Variants in POLR3A observed in about 807,000 individuals in gnomAD.
POLR3A encodes the protein DNA-directed RNA polymerase III subunit RPC1.
A neutral mutation model predicts 152.8 loss-of-function variants in POLR3A; 112 were observed. That is an observed-to-expected ratio of 0.73 (90% CI 0.63 to 0.86). The LOEUF is 0.86. POLR3A is among the 40% of genes least tolerant of loss of function. The pLI is 0.00. For synonymous variants in POLR3A, 615 were observed against 652.1 expected, an observed-to-expected ratio of 0.94 and a Z score of 0.87; for missense variants, 1,385 against 1,743.1, an observed-to-expected ratio of 0.79 and a Z score of 3.66.
intron 19 of POLR3A, among the ~76,000 whole-genome samples, chr10:77,994,403 A>G (rs1047964494): frequency 2.6e-5 from 4 of 151,970 alleles, no homozygotes. Context: ...CTTCCATAGT[A>G]GGGAGAGAGA....
intron 10 of POLR3A, among the ~76,000 whole-genome samples, chr10:78,016,026 G>A (rs1012932702): frequency 6.6e-6 from 1 of 152,138 alleles, no homozygotes; most frequent in African/African-American, 2.4e-5. Flanking sequence ...ATTACCATAA[G>A]AGGCTGCTTA....
rs149845466 is a variant in POLR3A, at chr10:77,989,164, ACT to A, written c.2901+1888_2901+1889del. 4.6e-4 allele frequency among the ~76,000 whole-genome samples: 70 copies of A among 152,336 alleles called. No individual in the cohort carries two copies. In the East Asian group the frequency reaches 0.012, roughly 27 times the overall value. On this transcript the variant is annotated intron_variant, in intron 21 of 30. Transcript: ENST00000372371. ...CTGAAACAATCTGCTAAAAATTCAC[ACT>A]GAGTCAACCCATGCATACTAGAGGG...
In POLR3A at chr10:77,983,982, G is replaced by A; in HGVS notation, c.3367C>T (p.Pro1123Ser). The stretch of plus-strand genomic sequence containing the variant: ...TTGACGAGAATAAAGCAGTCATCAG[G>A]AAGAAACACTTCTTCAATATACTCG... ...ISEYIEEVFL[P>S]DDCFILVKLS... is the part of the protein sequence containing the mutation. The change falls in exon 26 of 31, where the codon CCT becomes TCT. Residue 1123 changes from proline (P) to serine (S), a missense_variant. Physicochemically the swap from Pro to Ser is moderately conservative, Grantham distance 74. Around this residue, in one of 7 missense-constraint regions of POLR3A, gnomAD observed 332 missense variants for 400.1 expected, o/e 0.83. Transcript: ENST00000372371. The A allele has an allele frequency of 1.2e-6, 2 of 1,612,258 alleles. No individual in the cohort carries two copies. Among genetic ancestry groups the A allele is most frequent in the South Asian group, 1.1e-5 (1 of 91,018 alleles).
In POLR3A at chr10:78,021,948, G is replaced by A. The variant is rs1442159787; in HGVS notation, c.960C>T (p.Tyr320=). Residue 320 remains tyrosine, a synonymous_variant, in exon 7 of 31, where the codon TAC becomes TAT. Coordinates refer to ENST00000372371, the MANE Select transcript of POLR3A (RefSeq NM_007055.4). ...WDFLQLQCAL[Y]INSELSGIPL... Reference sequence around the variant, plus strand: ...GAATGCCCGAGAGCTCACTGTTAATGTAGAGGGCACACTGCAGCTGCAGGA... The same window carrying A: ...GAATGCCCGAGAGCTCACTGTTAATATAGAGGGCACACTGCAGCTGCAGGA... The A allele has an allele frequency of 6.2e-7, 1 of 1,614,180 alleles. No individual in the cohort carries two copies.
chr10:77,986,619 C>T (rs1287757850), intron 21 of POLR3A, among the ~76,000 whole-genome samples: 1 of 152,180 alleles, frequency 6.6e-6, no homozygotes. Flanking sequence ...GCTTTGTTGA[C>T]AGTAAATGCA....
intron 5 of POLR3A, among the ~76,000 whole-genome samples, chr10:78,023,095 T>C (rs1589318542): frequency 6.6e-6 from 1 of 150,938 alleles, no homozygotes; most frequent in Non-Finnish European, 1.5e-5. Context: ...GAGGCAGAGG[T>C]TGCCGTGAGC....
intron 10 of POLR3A, among the ~76,000 whole-genome samples, chr10:78,015,571 AC>A (rs1183548494): frequency 6.6e-6 from 1 of 152,096 alleles, no homozygotes; most frequent in South Asian, 2.1e-4. Flanking sequence ...CAAGTGATAC[AC>A]CTTGGCCTCC....
At chr10:78,016,790 G>A (rs952988899) in intron 10 of POLR3A, among the ~76,000 whole-genome samples, 2 of 149,414 alleles carry the variant, frequency 1.3e-5, no homozygotes, top group East Asian at 3.9e-4. Flanking sequence ...TGGGAGGATC[G>A]CTTGAGCCGA....
At chr10:78,028,360 C>T (rs1847657302) in intron 1 of POLR3A, among the ~76,000 whole-genome samples, 1 of 152,150 alleles carries the variant, frequency 6.6e-6, no homozygotes. Context: ...CCTGGACCTA[C>T]CCTTGTCATT....
At chr10:78,017,323 C>T (rs983123578) in intron 10 of POLR3A, among the ~76,000 whole-genome samples, 3 of 151,894 alleles carry the variant, frequency 2.0e-5, no homozygotes, top group Non-Finnish European at 4.4e-5. Context: ...GGCACATGTC[C>T]GTGGTCCCAG....
In POLR3A at chr10:78,000,046, T is replaced by C. The variant is rs761832392; in HGVS notation, c.2551A>G (p.Thr851Ala). 3.9e-5 allele frequency: 63 copies of C among 1,613,980 alleles called. No individual in the cohort carries two copies. The highest frequency in any genetic ancestry group is 5.0e-5 in the Non-Finnish European group (59 of 1,180,008). Residue 851 changes from threonine (T) to alanine (A), a missense_variant, in exon 19 of 31, where the codon ACA becomes GCA. This residue lies in a region of POLR3A where 170 missense variants were observed against 231.2 expected (regional missense o/e 0.74). Transcript: ENST00000372371. ...ACTAGACCTTCCCGGCCGGCCATTG[T>C]GTGGAAGAAAAACTCAGTTGGTGTC... is the stretch of plus-strand genomic sequence containing the variant. ...GLTPTEFFFH[T>A]MAGREGLVDT...
intron 30 of POLR3A, among the ~76,000 whole-genome samples, chr10:77,978,217 G>A (rs1008257887): frequency 2.0e-5 from 3 of 152,174 alleles, no homozygotes; most frequent in Admixed American, 1.3e-4. Flanking sequence ...AGGGGGTGGT[G>A]CAGATTCTTT....
rs7910253 is a variant in POLR3A, at chr10:78,007,458, G to A, written c.2074+244C>T. Among the ~76,000 whole-genome samples, 4,699 of 152,312 alleles carry A rather than the reference G, an allele frequency of 0.031. 234 individuals carry two copies. The highest frequency in any genetic ancestry group is 0.11 in the African/African-American group (4,376 of 41,554). ...ATAATCTAACCCTGTCTAGAAGACCGTAGGGAGCTACTGCTGGTTTTGAGA... is the reference window on the plus strand; with the variant it reads ...ATAATCTAACCCTGTCTAGAAGACCATAGGGAGCTACTGCTGGTTTTGAGA... On this transcript the variant is annotated intron_variant, in intron 15 of 30. Coordinates refer to ENST00000372371, the MANE Select transcript of POLR3A (RefSeq NM_007055.4).
At position 77,982,175 on chromosome 10, in the gene POLR3A, G is replaced by A. The variant is rs757409069; in HGVS notation, c.3738C>T (p.Thr1246=). The change falls in exon 28 of 31, where the codon ACC becomes ACT. Residue 1246 remains threonine, a synonymous_variant. Coordinates refer to ENST00000372371, the MANE Select transcript of POLR3A (RefSeq NM_007055.4). The stretch of plus-strand genomic sequence containing the variant: ...GTACCTCATAGGTGTTATTGGAGGT[G>A]GTTCGGGTGCCCTTCACACCGTGTG... ...MATHGVKGTR[T]TSNNTYEVEK... The A allele has an allele frequency of 5.6e-6, 9 of 1,614,026 alleles. No individual in the cohort carries two copies. In the Admixed American group the frequency reaches 1.2e-4, roughly 21 times the overall value.
At position 78,014,577 on chromosome 10, in the gene POLR3A, A is replaced by C. The variant is rs139186570; in HGVS notation, c.1432-787T>G. On this transcript the variant is annotated intron_variant, in intron 10 of 30. Coordinates refer to ENST00000372371, the MANE Select transcript of POLR3A (RefSeq NM_007055.4). ...GACTACAGGCGTTTACTGCCACACC[A>C]GGCTAATTTTTATATTTTAGTAGAG... is the stretch of plus-strand genomic sequence containing the variant. 3.4e-3 allele frequency among the ~76,000 whole-genome samples: 524 copies of C among 152,110 alleles called. 5 individuals carry two copies. Among genetic ancestry groups the C allele is most frequent in the African/African-American group, 0.012 (489 of 41,502 alleles).
At chr10:77,999,237 A>T (rs1312056814) in intron 19 of POLR3A, among the ~76,000 whole-genome samples, 5 of 152,204 alleles carry the variant, frequency 3.3e-5, no homozygotes, top group Non-Finnish European at 7.3e-5. Context: ...AACATGGCAC[A>T]TGTATACATA....
rs776600384 is a variant in POLR3A, at chr10:78,025,738, G to C, written c.202C>G (p.Pro68Ala). 25 of 1,613,926 alleles carry C rather than the reference G, an allele frequency of 1.5e-5. No individual in the cohort carries two copies. Among genetic ancestry groups the C allele is most frequent in the Non-Finnish European group, 1.9e-5 (23 of 1,179,956 alleles). Residue 68 changes from proline (P) to alanine (A), a missense_variant, in exon 3 of 31, where the codon CCA becomes GCA. Transcript: ENST00000372371. ...AAGTTTTTCCCACAGGTTTCACATG[G>C]ACGATCCTTCTCACTCGTACCCTTT... ...HRMGTSEKDRPCETCGKNLAD... is the reference protein window; with the variant it reads ...HRMGTSEKDRACETCGKNLAD...
At chr10:78,024,516 A>G (rs1000819631) in intron 5 of POLR3A, 33 bp downstream of exon 5, 1 of 1,606,452 alleles carries the variant, frequency 6.2e-7, no homozygotes. Flanking sequence ...GGCGGGAGGC[A>G]GGCGGAAGGC....
chr10:77,987,948 G>A (rs191016154), intron 21 of POLR3A, among the ~76,000 whole-genome samples: 319 of 152,334 alleles, frequency 2.1e-3, no homozygotes, highest in African/African-American at 7.3e-3. Flanking sequence ...ACCACTCCAC[G>A]AAGTCAGATG....
Sources: allele counts gnomAD v4.1 joint callset (sites outside exome capture counted in the v4.1 genomes callset), GRCh38; gene constraint gnomAD v4.1.1; regional missense constraint gnomAD v4.1.1; transcripts MANE v1.5; gene names NCBI Gene and HGNC (gene_info 2026-07-23, HGNC 2026-07-21).